The following INTS2 variants were observed in gnomAD, a reference collection of about 807,000 sequenced individuals.
INTS2 encodes the protein integrator complex subunit 2.
Under a neutral mutation model 139.6 loss-of-function variants are expected in INTS2, and 57 were observed. The observed-to-expected ratio is 0.41, with a 90% CI of 0.33 to 0.51. The LOEUF (loss-of-function observed/expected upper bound fraction) is 0.51. Among genes scored for constraint, INTS2 ranks in the 20% least tolerant of loss-of-function variants. The probability of loss-of-function intolerance (pLI) is 0.28; values close to 1 mark genes in which losing one functional copy is unlikely to be tolerated. For missense variants in INTS2, 1,196 were observed against 1,436.7 expected (o/e 0.83, Z 2.71); for synonymous variants, 473 against 493.4 (o/e 0.96, Z 0.55).
chr17:61,899,600 T>C (rs2079384207), intron 9 of INTS2, among the ~76,000 whole-genome samples: 1 of 151,934 alleles, frequency 6.6e-6, no homozygotes, highest in South Asian at 2.1e-4. Context: ...TTTTTCTATC[T>C]ATAAGATATA....
At position 61,907,970 on chromosome 17, in the gene INTS2, G is replaced by GT. The variant is rs570091402; in HGVS notation, c.955-337dup. 5.3e-5 allele frequency among the ~76,000 whole-genome samples: 8 copies of GT among 152,294 alleles called. No individual in the cohort carries two copies. The South Asian group carries it at 1.2e-3, about 24-fold the overall frequency. Reference sequence around the variant, plus strand: ...GAGAAAATGCTCAGATTTTGAAGACGTAAGTTCTTGGGGTTTAAATGCCAG... The same window carrying GT: ...GAGAAAATGCTCAGATTTTGAAGACGTTAAGTTCTTGGGGTTTAAATGCCAG... On this transcript the variant is annotated intron_variant, in intron 7 of 24. Coordinates refer to ENST00000251334, the MANE Select transcript of INTS2 (RefSeq NM_001351695.2).
chr17:61,927,530 G>T (rs1198597295), intron 1 of INTS2, 124 bp downstream of exon 1: 1 of 463,462 alleles, frequency 2.2e-6, no homozygotes. Context: ...CAAGACCTGC[G>T]TGCTCCTCCG....
At chr17:61,901,855 C>G (rs2079410279) in intron 9 of INTS2, among the ~76,000 whole-genome samples, 1 of 151,998 alleles carries the variant, frequency 6.6e-6, no homozygotes, top group South Asian at 2.1e-4. Flanking sequence ...GCCTCAGCCT[C>G]CCAAAGTGCT....
chr17:61,915,341 A>T (rs1378353828), intron 5 of INTS2, among the ~76,000 whole-genome samples: 9 of 141,324 alleles, frequency 6.4e-5, no homozygotes, highest in African/African-American at 8.1e-5. Context: ...CCGTCTCAAA[A>T]AAATAAATAA....
In INTS2 at chr17:61,868,794, C is replaced by T. The variant is rs979414738; in HGVS notation, c.3244+240G>A. 1.3e-5 allele frequency among the ~76,000 whole-genome samples: 2 copies of T among 152,058 alleles called. No homozygotes were observed. The highest frequency in any genetic ancestry group is 4.1e-4 in the South Asian group (2 of 4,822). Reference sequence around the variant, plus strand: ...TTACAAATCTATATATACTCATTCACAAAATGAAAAATACAATTTGCCTAC... The same window carrying T: ...TTACAAATCTATATATACTCATTCATAAAATGAAAAATACAATTTGCCTAC... On this transcript the variant is annotated intron_variant, in intron 23 of 24. Coordinates refer to ENST00000251334, the MANE Select transcript of INTS2 (RefSeq NM_001351695.2). The surrounding 1 kb of genome is among the most constrained non-coding windows in gnomAD (Gnocchi z 4.7).
chr17:61,882,458 G>A lies in INTS2; in HGVS notation c.2090-1287C>T, dbSNP rs1181645024. 6.6e-6 allele frequency among the ~76,000 whole-genome samples: 1 copy of A among 152,234 alleles called. No homozygotes were observed. The highest frequency in any genetic ancestry group is 1.5e-5 in the Non-Finnish European group (1 of 68,038). On this transcript the variant is annotated intron_variant, in intron 16 of 24. Coordinates refer to ENST00000251334, the MANE Select transcript of INTS2 (RefSeq NM_001351695.2). The surrounding 1 kb of genome is among the most constrained non-coding windows in gnomAD (Gnocchi z 4.7). ...TGTTAATAATGAGAGGCTGTGTGCG[G>A]TGGCTCATGCCTGTAATCCCAGCAC...
intron 19 of INTS2, among the ~76,000 whole-genome samples, chr17:61,874,560 G>A (rs575442203): frequency 3.2e-4 from 49 of 152,230 alleles, no homozygotes; most frequent in South Asian, 6.2e-4. Context: ...TTTTAACGCA[G>A]GTAACGGTTC....
chr17:61,911,183 C>G (rs2079523049), intron 7 of INTS2: 1 of 325,836 alleles, frequency 3.1e-6, no homozygotes, highest in African/African-American at 2.1e-5. Flanking sequence ...ACCCTAGAAC[C>G]CCCTGGCTTA....
At chr17:61,890,983 C>CAAAAAAAA (rs753902456) in intron 14 of INTS2, among the ~76,000 whole-genome samples, 2 of 11,344 alleles carry the variant, frequency 1.8e-4, no homozygotes, top group African/African-American at 6.7e-4. Context: ...ACTCCAGTCT[C>CAAAAAAAA]AAAAAAAAAA....
In INTS2 at chr17:61,867,967, A is replaced by C; in HGVS notation, c.3287T>G (p.Leu1096Arg). 1 of 1,608,822 alleles carries C rather than the reference A, an allele frequency of 6.2e-7. No homozygotes were observed. Among genetic ancestry groups the C allele is most frequent in the Admixed American group, 1.7e-5 (1 of 58,408 alleles). ...TCGACAAAAAGAGACCAAACTTGGCAGAGTTGGCATAAAAAAAGCATACCG... is the reference window on the plus strand; with the variant it reads ...TCGACAAAAAGAGACCAAACTTGGCCGAGTTGGCATAAAAAAAGCATACCG... ...AKRYAFFMPT[L>R]PSLVSFCRAF... The change falls in exon 24 of 25, where the codon CTG (leucine) becomes CGG (arginine). Residue 1096 changes from leucine to arginine, a missense_variant. Around this residue, in one of 3 missense-constraint regions of INTS2, gnomAD observed 1,129 missense variants for 1,341.9 expected, o/e 0.84. Transcript: ENST00000251334. This position sits in a 1 kb window ranked among gnomAD's most constrained non-coding sequence, Gnocchi z 5.6.
In INTS2 at chr17:61,920,242, C is replaced by T. The variant is rs537679001; in HGVS notation, c.536-729G>A. Among the ~76,000 whole-genome samples the T allele has an allele frequency of 1.7e-4, 24 of 142,272 alleles. No individual in the cohort carries two copies. In the East Asian group the frequency reaches 3.0e-3, roughly 18 times the overall value. 93.3% of individuals were successfully genotyped at this position (142,272 alleles called of 152,430 possible). On this transcript the variant is annotated intron_variant, in intron 4 of 24. Coordinates refer to ENST00000251334, the MANE Select transcript of INTS2 (RefSeq NM_001351695.2). ...TGTCCCCCAGGCTGGAATGCAATGGCGCAATCTCAGCTCACCGCAACCTCC... is the reference window on the plus strand; with the variant it reads ...TGTCCCCCAGGCTGGAATGCAATGGTGCAATCTCAGCTCACCGCAACCTCC...
In INTS2 at chr17:61,872,340, T is replaced by A. The variant is rs2079095806; in HGVS notation, c.2703A>T (p.Thr901=). 4 of 1,613,070 alleles carry A rather than the reference T, an allele frequency of 2.5e-6. No homozygotes were observed. Among genetic ancestry groups the A allele is most frequent in the South Asian group, 1.1e-5 (1 of 90,988 alleles). The change falls in exon 20 of 25, where the codon ACA becomes ACT. Residue 901 remains threonine (T), a synonymous_variant. Transcript: ENST00000251334. This position sits in a 1 kb window ranked among gnomAD's most constrained non-coding sequence, Gnocchi z 4.8. Reference sequence around the variant, plus strand: ...CATCAGTTTGTCCAACTAAACCAATTGTATTATTCTGGGAAGGCCTATCTT... The same window carrying A: ...CATCAGTTTGTCCAACTAAACCAATAGTATTATTCTGGGAAGGCCTATCTT... ...TEQDRPSQNN[T]IGLVGQTDAP...
At chr17:61,926,207 CTG>C in intron 2 of INTS2, 143 bp downstream of exon 2, 1 of 616,184 alleles carries the variant, frequency 1.6e-6, no homozygotes, top group Non-Finnish European at 2.8e-6. Context: ...GATTCTGGAA[CTG>C]TAACTATATA....
intron 15 of INTS2, among the ~76,000 whole-genome samples, chr17:61,887,664 A>G (rs1400075378): frequency 6.6e-6 from 1 of 152,216 alleles, no homozygotes; most frequent in Non-Finnish European, 1.5e-5. Context: ...TAACAAAATT[A>G]TTATAAAGTT....
Position 61,872,506 on chromosome 17 carries a change from A to C in INTS2, c.2583-46T>G, listed in dbSNP as rs768238693. 1 of 1,259,702 alleles carries C rather than the reference A, an allele frequency of 7.9e-7. No homozygotes were observed. Among genetic ancestry groups the C allele is most frequent in the Admixed American group, 2.3e-5 (1 of 43,202 alleles). 78.0% of individuals were successfully genotyped at this position (1,259,702 alleles called of 1,614,324 possible). ...AGAAAAATATATCAGAAAGAATATA[A>C]ATTTATAAATTAGCCAGAACATGAT... is the stretch of plus-strand genomic sequence containing the variant. On this transcript the variant is annotated intron_variant, in intron 19 of 24. Transcript: ENST00000251334. This position sits in a 1 kb window ranked among gnomAD's most constrained non-coding sequence, Gnocchi z 4.8.
In INTS2 at chr17:61,900,243, C is replaced by A. The variant is rs556355713; in HGVS notation, c.1308-2504G>T. Among the ~76,000 whole-genome samples, 3 of 152,308 alleles carry A rather than the reference C, an allele frequency of 2.0e-5. No homozygotes were observed. The South Asian group carries it at 6.2e-4, about 32-fold the overall frequency. ...CCCAAAGGGCTCAGGCTACTCCAGG[C>A]AGTTCCAGGACTGAGAGTGAAGACA... On this transcript the variant is annotated intron_variant, in intron 9 of 24. Transcript: ENST00000251334.
At chr17:61,919,617 C>T (rs2079618858) in intron 4 of INTS2, 104 bp from the exon 5 acceptor site, 2 of 639,720 alleles carry the variant, frequency 3.1e-6, no homozygotes, top group South Asian at 3.8e-5. Context: ...CACTGTGTTG[C>T]CCAGGTGGGT....
chr17:61,921,620 G>A, intron 4 of INTS2, 105 bp downstream of exon 4: 1 of 498,110 alleles, frequency 2.0e-6, no homozygotes, highest in Non-Finnish European at 3.6e-6. Context: ...TAACATGTTT[G>A]TTATATGATC....
At position 61,869,155 on chromosome 17, in the gene INTS2, C is replaced by T. The variant is rs780560337; in HGVS notation, c.3139-16G>A. On this transcript the variant is annotated splice_polypyrimidine_tract_variant and intron_variant, in intron 22 of 24. Coordinates refer to ENST00000251334, the MANE Select transcript of INTS2 (RefSeq NM_001351695.2). This position sits in a 1 kb window ranked among gnomAD's most constrained non-coding sequence, Gnocchi z 5.4. ...TAGCAAATATCTGCAATACAAAATC[C>T]AGTTATTACATGTTTCTCAAGAATA... 5.8e-5 allele frequency: 89 copies of T among 1,539,596 alleles called. No homozygotes were observed. The highest frequency in any genetic ancestry group is 7.7e-5 in the Non-Finnish European group (86 of 1,115,638).
Sources: gnomAD v4.1 joint callset for allele counts (sites outside exome capture counted in the v4.1 genomes callset) on GRCh38, gnomAD v4.1.1 for gene constraint, gnomAD v4.1.1 regional missense constraint, Gnocchi (gnomAD v3.1) non-coding constraint, MANE v1.5 for transcripts, NCBI Gene and HGNC (gene_info 2026-07-23, HGNC 2026-07-21) for gene names.